The following PMP22 variants were observed in gnomAD, a reference collection of about 807,000 sequenced individuals.
PMP22 encodes the protein peripheral myelin protein 22.
Under a neutral mutation model 18.9 loss-of-function variants are expected in PMP22, and 2 were observed. The observed-to-expected ratio is 0.11, with a 90% CI of 0.04 to 0.33. PMP22 has a LOEUF of 0.33. Among genes scored for constraint, PMP22 ranks in the 10% least tolerant of loss-of-function variants. PMP22 has a pLI of 1.00. For missense variants in PMP22, 169 were observed against 202.2 expected (o/e 0.84, Z 1.00); for synonymous variants, 95 against 89.2 (o/e 1.07, Z -0.37).
At chr17:15,241,140 T>C (rs2150679225) in intron 3 of PMP22, among the ~76,000 whole-genome samples, 1 of 152,258 alleles carries the variant, frequency 6.6e-6, no homozygotes, top group East Asian at 1.9e-4. Flanking sequence ...AGTCTAGCAC[T>C]CTTCACATTC....
At position 15,258,849 on chromosome 17, in the gene PMP22, T is replaced by C. The variant is rs1909053923; in HGVS notation, c.178+245A>G. On this transcript the variant is annotated intron_variant, in intron 3 of 4. Coordinates refer to ENST00000312280, the MANE Select transcript of PMP22 (RefSeq NM_000304.4). This position sits in a 1 kb window ranked among gnomAD's most constrained non-coding sequence, Gnocchi z 4.1. Reference sequence around the variant, plus strand: ...TCACAAAAAGCATTATCCTAAGTGATCAGGAGGGCACTAAGGGCATGTCTC... The same window carrying C: ...TCACAAAAAGCATTATCCTAAGTGACCAGGAGGGCACTAAGGGCATGTCTC... The C allele has an allele frequency of 1.4e-5, 8 of 564,264 alleles. No individual in the cohort carries two copies. Among genetic ancestry groups the C allele is most frequent in the South Asian group, 9.7e-5 (5 of 51,750 alleles). The allele number at this position is 564,264 out of a possible 1,614,324, so 35.0% of individuals were successfully genotyped here. A position where few individuals can be genotyped will look rare whatever the true frequency, so the allele number is the denominator to read the frequency against.
At chr17:15,242,769 A>G (rs958780681) in intron 3 of PMP22, among the ~76,000 whole-genome samples, 1 of 152,224 alleles carries the variant, frequency 6.6e-6, no homozygotes, top group Non-Finnish European at 1.5e-5. Context: ...TCAAACACAC[A>G]TGGGACAGCT....
intron 4 of PMP22, chr17:15,235,119 CCA>C: frequency 1.5e-6 from 1 of 679,924 alleles, no homozygotes; most frequent in South Asian, 1.6e-5. Context: ...CACACCTGGC[CCA>C]AATCCTTTTA....
chr17:15,243,088 A>T (rs898563989), intron 3 of PMP22, among the ~76,000 whole-genome samples: 2 of 152,208 alleles, frequency 1.3e-5, no homozygotes, highest in South Asian at 2.1e-4. Context: ...AAAATCCTTA[A>T]AAAGAGTGAA....
chr17:15,239,200 T>G (rs1051458039), intron 4 of PMP22: 2 of 607,240 alleles, frequency 3.3e-6, no homozygotes, highest in Non-Finnish European at 2.9e-6. Flanking sequence ...TACGCCTGGC[T>G]TGGGTGGGGA....
intron 4 of PMP22, among the ~76,000 whole-genome samples, chr17:15,232,849 A>C (rs1906475992): frequency 1.3e-5 from 2 of 152,202 alleles, no homozygotes; most frequent in African/African-American, 4.8e-5. Context: ...AGTATAGAGA[A>C]GTGCAGCGAC....
intron 3 of PMP22, among the ~76,000 whole-genome samples, chr17:15,240,087 T>C (rs371828593): frequency 2.6e-5 from 4 of 152,242 alleles, no homozygotes; most frequent in African/African-American, 7.2e-5. Flanking sequence ...TTTTAAAATA[T>C]ATTGAATTTC....
At chr17:15,255,908 T>A (rs9901999) in intron 3 of PMP22, among the ~76,000 whole-genome samples, 13,948 of 152,106 alleles carry the variant, frequency 0.092, 2,046 homozygotes, top group African/African-American at 0.31. Context: ...CACCCTTCCA[T>A]ATCTATCTCC....
intron 3 of PMP22, among the ~76,000 whole-genome samples, chr17:15,242,251 C>CAAAAAA (rs59075019): frequency 1.6e-4 from 9 of 54,778 alleles, no homozygotes; most frequent in African/African-American, 5.3e-4. Context: ...GACTCTGTCT[C>CAAAAAA]AAAAAAAAAA....
chr17:15,234,200 G>A (rs1906596745), intron 4 of PMP22, among the ~76,000 whole-genome samples: 1 of 152,140 alleles, frequency 6.6e-6, no homozygotes, highest in African/African-American at 2.4e-5. Flanking sequence ...GGAGAGAGGA[G>A]AGGCCAGCAT....
chr17:15,255,899 A>G (rs1244285868), intron 3 of PMP22, among the ~76,000 whole-genome samples: 2 of 151,918 alleles, frequency 1.3e-5, no homozygotes, highest in African/African-American at 2.4e-5. Context: ...GGAGTGATTC[A>G]CCCTTCCATA....
chr17:15,246,566 A>T (rs1191307687), intron 3 of PMP22, among the ~76,000 whole-genome samples: 2 of 152,252 alleles, frequency 1.3e-5, no homozygotes, highest in Non-Finnish European at 2.9e-5. Flanking sequence ...TAAACTATAG[A>T]TTAACACAAG....
At chr17:15,234,962 G>A (rs897234052) in intron 4 of PMP22, among the ~76,000 whole-genome samples, 7 of 152,082 alleles carry the variant, frequency 4.6e-5, no homozygotes, top group South Asian at 4.2e-4. Flanking sequence ...GACCACAGGC[G>A]TGCTCCAAGG....
At chr17:15,246,545 T>G (rs1010168430) in intron 3 of PMP22, among the ~76,000 whole-genome samples, 2 of 152,144 alleles carry the variant, frequency 1.3e-5, no homozygotes, top group Admixed American at 1.3e-4. Flanking sequence ...GACACCAACA[T>G]CCCAAGTGGC....
chr17:15,248,282 G>A lies in PMP22; in HGVS notation c.179-8671C>T, dbSNP rs370815034. Among the ~76,000 whole-genome samples, 202 of 152,174 alleles carry A rather than the reference G, an allele frequency of 1.3e-3. 2 individuals are homozygous for A. Among genetic ancestry groups the A allele is most frequent in the African/African-American group, 4.6e-3 (191 of 41,566 alleles). On this transcript the variant is annotated intron_variant, in intron 3 of 4. Transcript: ENST00000312280. ...CACAAAGGCGATGAAGGTGACGTGG[G>A]CGGCTCTCTCAACAGGTAATCCTGG...
intron 4 of PMP22, chr17:15,239,219 C>T (rs1042567253): frequency 6.5e-6 from 4 of 611,574 alleles, no homozygotes; most frequent in Admixed American, 2.8e-5. Context: ...GACCTTCCTT[C>T]CAGATCCTCT....
At chr17:15,231,126 G>C in intron 4 of PMP22, 46 bp from the exon 5 acceptor site, 2 of 1,598,882 alleles carry the variant, frequency 1.3e-6, no homozygotes, top group Admixed American at 1.7e-5. Context: ...GTCCATGGCA[G>C]AGCGGCCCCC....
At chr17:15,242,379 A>G (rs936379398) in intron 3 of PMP22, among the ~76,000 whole-genome samples, 1 of 151,976 alleles carries the variant, frequency 6.6e-6, no homozygotes, top group Non-Finnish European at 1.5e-5. Context: ...AATGTTAACA[A>G]AAAAGAAAGA....
At chr17:15,263,585 A>G (rs56356617) in intron 1 of PMP22, among the ~76,000 whole-genome samples, 1,724 of 143,000 alleles carry the variant, frequency 0.012, 15 homozygotes, top group Non-Finnish European at 0.019. Context: ...ACGCGCGCGC[A>G]CACACACACA....
Sources: allele counts gnomAD v4.1 joint callset (sites outside exome capture counted in the v4.1 genomes callset), GRCh38; gene constraint gnomAD v4.1.1; non-coding constraint Gnocchi (gnomAD v3.1); transcripts MANE v1.5; gene names NCBI Gene and HGNC (gene_info 2026-07-23, HGNC 2026-07-21).